The following CPAMD8 variants were observed in gnomAD, a reference collection of about 807,000 sequenced individuals.
CPAMD8 encodes the protein C3 and PZP-like alpha-2-macroglobulin domain-containing protein 8.
Under a neutral mutation model 224.7 loss-of-function variants are expected in CPAMD8, and 146 were observed. That is an observed-to-expected ratio of 0.65 (90% CI 0.57 to 0.75). CPAMD8 has a LOEUF of 0.75. Ranked by LOEUF, CPAMD8 falls within the 30% of genes least tolerant of loss-of-function variation. The pLI is 0.00. For missense variants in CPAMD8, 2,301 were observed against 2,537.5 expected (o/e 0.91, Z 2.00); for synonymous variants, 966 against 1,044.6 (o/e 0.92, Z 1.45).
At chr19:16,920,434 G>C (rs1446539956) in intron 27 of CPAMD8, among the ~76,000 whole-genome samples, 1 of 151,990 alleles carries the variant, frequency 6.6e-6, no homozygotes. Flanking sequence ...GTGCCGAGAT[G>C]GCGCCACTGC....
chr19:16,971,745 A>G (rs994035950), intron 17 of CPAMD8, among the ~76,000 whole-genome samples: 8 of 152,086 alleles, frequency 5.3e-5, no homozygotes, highest in African/African-American at 1.9e-4. Flanking sequence ...TATGAATTTC[A>G]TCTCGATTAG....
chr19:16,929,178 G>T lies in CPAMD8; in HGVS notation c.2908C>A (p.Leu970Ile). 6.2e-7 allele frequency: 1 copy of T among 1,614,048 alleles called. No homozygotes were observed. Among genetic ancestry groups the T allele is most frequent in the Non-Finnish European group, 8.5e-7 (1 of 1,179,966 alleles). ...EFQYVQRPLR[L>I]TRFDVAVRAH... is the part of the protein sequence containing the mutation. ...CGCACAGCCACATCAAAGCGGGTGAGGCGCAGTGGCCGCTGCACATACTGG... is the reference window on the plus strand; with the variant it reads ...CGCACAGCCACATCAAAGCGGGTGATGCGCAGTGGCCGCTGCACATACTGG... The change falls in exon 24 of 42, where the codon CTC (leucine) becomes ATC (isoleucine). Residue 970 changes from leucine to isoleucine, a missense_variant. Around this residue, in one of 4 missense-constraint regions of CPAMD8, gnomAD observed 1,709 missense variants for 1,753.2 expected, o/e 0.97. Coordinates refer to ENST00000443236, the MANE Select transcript of CPAMD8 (RefSeq NM_015692.5).
intron 23 of CPAMD8, among the ~76,000 whole-genome samples, chr19:16,932,373 A>C (rs1383229019): frequency 2.0e-5 from 3 of 152,134 alleles, no homozygotes; most frequent in Non-Finnish European, 4.4e-5. Context: ...GTGAGCCATG[A>C]TTGTGCCACT....
chr19:16,997,481 C>G, intron 10 of CPAMD8, 143 bp from the exon 11 acceptor site: 1 of 651,406 alleles, frequency 1.5e-6, no homozygotes. Flanking sequence ...CAATCTATGC[C>G]ACGGGACCAT....
At chr19:16,940,677 T>A (rs2053858251) in intron 22 of CPAMD8, among the ~76,000 whole-genome samples, 4 of 152,180 alleles carry the variant, frequency 2.6e-5, no homozygotes, top group Admixed American at 2.6e-4. Flanking sequence ...CCTAGTAAAG[T>A]TCCCAGGGTT....
At chr19:16,896,755 T>G in intron 39 of CPAMD8, 90 bp from the exon 40 acceptor site, 1 of 956,830 alleles carries the variant, frequency 1.0e-6, no homozygotes, top group Non-Finnish European at 1.4e-6. Flanking sequence ...TGTCCCTGGG[T>G]CCCGGGCCCA....
intron 13 of CPAMD8, among the ~76,000 whole-genome samples, chr19:16,984,511 G>A (rs552378976): frequency 5.7e-4 from 87 of 152,040 alleles, no homozygotes; most frequent in Non-Finnish European, 9.9e-4. Context: ...ATGTGGCATC[G>A]GAAGTACAAG....
At chr19:17,002,543 G>A (rs1471149706) in intron 8 of CPAMD8, 193 bp from the exon 9 acceptor site, 1 of 499,020 alleles carries the variant, frequency 2.0e-6, no homozygotes, top group East Asian at 3.2e-5. Context: ...ATCTTTGGGG[G>A]ACTAGGACCC....
chr19:16,915,104 TC>T (rs772607702), intron 27 of CPAMD8, among the ~76,000 whole-genome samples: 8 of 152,206 alleles, frequency 5.3e-5, no homozygotes, highest in Non-Finnish European at 1.2e-4. Flanking sequence ...TGTGAGCTGG[TC>T]TAGCCCTGCC....
At chr19:16,947,548 G>A (rs895295952) in intron 20 of CPAMD8, among the ~76,000 whole-genome samples, 1 of 152,108 alleles carries the variant, frequency 6.6e-6, no homozygotes, top group Non-Finnish European at 1.5e-5. Context: ...TCTCCTGCAT[G>A]TCCATCCACT....
At chr19:17,020,559 C>T (rs1319117378) in intron 2 of CPAMD8, among the ~76,000 whole-genome samples, 2 of 152,076 alleles carry the variant, frequency 1.3e-5, no homozygotes, top group East Asian at 3.9e-4. Context: ...AAGCTGAAGG[C>T]CAGAGGGAAT....
intron 26 of CPAMD8, among the ~76,000 whole-genome samples, chr19:16,924,764 T>G (rs979257214): frequency 6.6e-6 from 1 of 152,070 alleles, no homozygotes; most frequent in Non-Finnish European, 1.5e-5. Context: ...TTTTATTTTT[T>G]GTAGAGACCG....
chr19:16,979,141 C>T (rs897726919), intron 14 of CPAMD8, among the ~76,000 whole-genome samples: 1 of 151,440 alleles, frequency 6.6e-6, no homozygotes, highest in African/African-American at 2.4e-5. Flanking sequence ...TCTATTCATC[C>T]ATCCATCATC....
chr19:16,901,503 A>G (rs1474337379), intron 35 of CPAMD8, among the ~76,000 whole-genome samples: 2 of 152,212 alleles, frequency 1.3e-5, no homozygotes, highest in Non-Finnish European at 2.9e-5. Flanking sequence ...CCAGAGGGAA[A>G]GGGCCTTGCC....
At chr19:16,936,373 G>A (rs917696437) in intron 23 of CPAMD8, among the ~76,000 whole-genome samples, 1 of 151,948 alleles carries the variant, frequency 6.6e-6, no homozygotes, top group Non-Finnish European at 1.5e-5. Flanking sequence ...GAAATGTCTG[G>A]TTATTTCTTT....
rs1167527098 is a variant in CPAMD8 at position 17,002,886 on chromosome 19, C to CTTTCT, written c.674-541_674-537dup. 1.2e-3 allele frequency among the ~76,000 whole-genome samples: 178 copies of CTTTCT among 146,294 alleles called. No individual in the cohort carries two copies. In the East Asian group the frequency reaches 0.023, roughly 19 times the overall value. ...GTAGGAGCCTAAGAATCTTTTCGTT[C>CTTTCT]TTTCTTTTCTTTTCTTTTCTTTTCT... On this transcript the variant is annotated intron_variant, in intron 8 of 41. Transcript: ENST00000443236.
At chr19:16,946,095 G>GT (rs1192442431) in intron 21 of CPAMD8, among the ~76,000 whole-genome samples, 6 of 152,122 alleles carry the variant, frequency 3.9e-5, no homozygotes, top group Non-Finnish European at 5.9e-5. Context: ...GTATATGCAT[G>GT]TGTGTATGTG....
rs1404274527 is a variant in CPAMD8 at position 16,904,512 on chromosome 19, C to T, written c.4068G>A (p.Val1356=). The T allele has an allele frequency of 1.2e-6, 2 of 1,614,180 alleles. No homozygotes were observed. The highest frequency in any genetic ancestry group is 2.2e-5 in the South Asian group (2 of 91,092). The part of the protein sequence containing the change: ...THWSLSNSWD[V]DKGTFLSFSD... The stretch of plus-strand genomic sequence containing the variant: ...TGAAGCTCAAGAATGTGCCCTTGTC[C>T]ACGTCCCAGGAATTTGACAGGCTCC... The change falls in exon 31 of 42, where the codon GTG becomes GTA. Residue 1356 remains valine, a synonymous_variant. Transcript: ENST00000443236.
At chr19:16,903,149 C>T (rs2052330312) in intron 34 of CPAMD8, among the ~76,000 whole-genome samples, 2 of 152,022 alleles carry the variant, frequency 1.3e-5, no homozygotes, top group African/African-American at 4.8e-5. Flanking sequence ...TCTGAGCTCC[C>T]ATTTTAGAGA....
Sources: allele counts gnomAD v4.1 joint callset (sites outside exome capture counted in the v4.1 genomes callset), GRCh38; gene constraint gnomAD v4.1.1; regional missense constraint gnomAD v4.1.1; transcripts MANE v1.5; gene names NCBI Gene and HGNC (gene_info 2026-07-23, HGNC 2026-07-21).